Variants in ASPRV1 observed in about 807,000 individuals in gnomAD.
ASPRV1 encodes retroviral-like aspartic protease 1.
ASPRV1 carries 7 observed loss-of-function variants against 11.0 expected under a neutral mutation model. The observed-to-expected ratio is 0.64, with a 90% CI of 0.36 to 1.20. The LOEUF (loss-of-function observed/expected upper bound fraction) is 1.20, where lower values mean the gene tolerates loss of function less well. Among genes scored for constraint, ASPRV1 ranks in the 50% most tolerant of loss-of-function variants. ASPRV1 has a pLI of 0.02. For synonymous variants in ASPRV1, 136 were observed against 138.4 expected (o/e 0.98, Z 0.12); for missense variants, 299 against 320.0 (o/e 0.93, Z 0.50).
At chr2:70,033,755 A>C in the ASPRV1 span, among the ~76,000 whole-genome samples, 1 of 152,200 alleles carries the variant, frequency 6.6e-6, no homozygotes, top group Non-Finnish European at 1.5e-5. Context: ...TTTCTATTAT[A>C]TCTCTCTATA....
the ASPRV1 span, among the ~76,000 whole-genome samples, chr2:70,047,799 T>C: frequency 6.6e-6 from 1 of 152,146 alleles, no homozygotes; most frequent in Non-Finnish European, 1.5e-5. Flanking sequence ...AGAAAGGCTA[T>C]GGCCTGGTGT....
the ASPRV1 span, among the ~76,000 whole-genome samples, chr2:70,032,836 A>G: frequency 1.3e-5 from 2 of 152,162 alleles, no homozygotes; most frequent in East Asian, 3.8e-4. Context: ...TGTGTAACTC[A>G]TAAGGCAGGA....
chr2:70,011,055 G>C, the ASPRV1 span, among the ~76,000 whole-genome samples: 4 of 152,096 alleles, frequency 2.6e-5, no homozygotes, highest in Admixed American at 6.5e-5. Context: ...GGAGCTAAAT[G>C]ATGAGAACTC....
At chr2:69,981,312 A>C in the ASPRV1 span, among the ~76,000 whole-genome samples, 1 of 152,224 alleles carries the variant, frequency 6.6e-6, no homozygotes, top group African/African-American at 2.4e-5. Context: ...GTGGACAGAA[A>C]GTATTACATT....
At chr2:69,951,584 TATAG>T in the ASPRV1 span, among the ~76,000 whole-genome samples, 385 of 150,326 alleles carry the variant, frequency 2.6e-3, 1 homozygote, top group East Asian at 0.013. Context: ...TAAACATATA[TATAG>T]ATAGATAGAT....
At chr2:70,037,039 T>C in the ASPRV1 span, among the ~76,000 whole-genome samples, 2 of 152,134 alleles carry the variant, frequency 1.3e-5, no homozygotes, top group Non-Finnish European at 2.9e-5. Flanking sequence ...GAGTCTCCAC[T>C]CCCACCTATT....
the ASPRV1 span, among the ~76,000 whole-genome samples, chr2:69,969,376 C>T: frequency 1.3e-5 from 2 of 152,194 alleles, no homozygotes; most frequent in East Asian, 3.8e-4. Flanking sequence ...CCCGAGGCTG[C>T]AGTCTGGCCC....
chr2:70,002,988 T>C, the ASPRV1 span: 1 of 152,232 alleles, frequency 6.6e-6, no homozygotes, highest in South Asian at 2.1e-4. Context: ...GGTTTGTTCA[T>C]TCAAATTCAA....
At chr2:69,964,631 A>G (rs573254622), upstream of ASPRV1, 58 of 249,314 alleles carry the variant, frequency 2.3e-4, 1 homozygote, top group South Asian at 2.0e-3. Context: ...ATTGACAAGT[A>G]TAGGTATTGG....
the ASPRV1 span, among the ~76,000 whole-genome samples, chr2:70,075,802 T>A: frequency 6.6e-6 from 1 of 151,404 alleles, no homozygotes; most frequent in South Asian, 2.1e-4. Flanking sequence ...TGAGGTGAGA[T>A]CACGCCATTG....
chr2:70,037,145 T>C, the ASPRV1 span, among the ~76,000 whole-genome samples: 5 of 152,198 alleles, frequency 3.3e-5, no homozygotes, highest in African/African-American at 7.2e-5. Context: ...CAAATTCAAC[T>C]CCAGGAAACA....
At chr2:69,941,404 C>A in the ASPRV1 span, 1 of 152,180 alleles carries the variant, frequency 6.6e-6, no homozygotes, top group East Asian at 1.9e-4. Context: ...ACTGCTGGCT[C>A]CTTTCTGTAG....
At chr2:70,061,863 T>G in the ASPRV1 span, among the ~76,000 whole-genome samples, 1 of 151,546 alleles carries the variant, frequency 6.6e-6, no homozygotes, top group African/African-American at 2.4e-5. Context: ...CTCTGCAGGC[T>G]GAGGCAGGAG....
the ASPRV1 span, among the ~76,000 whole-genome samples, chr2:70,044,288 C>T: frequency 6.6e-6 from 1 of 152,208 alleles, no homozygotes; most frequent in Non-Finnish European, 1.5e-5. Flanking sequence ...GGGCAGGACA[C>T]ATTCTTGGTC....
At chr2:69,980,725 C>G in the ASPRV1 span, among the ~76,000 whole-genome samples, 1 of 152,240 alleles carries the variant, frequency 6.6e-6, no homozygotes, top group African/African-American at 2.4e-5. Context: ...TATGGGAATT[C>G]TCTCTACTAT....
the ASPRV1 span, among the ~76,000 whole-genome samples, chr2:69,978,448 C>T: frequency 6.6e-6 from 1 of 152,160 alleles, no homozygotes; most frequent in East Asian, 1.9e-4. Context: ...ACTTTGGGCC[C>T]CATTTTCCCC....
At chr2:69,979,245 G>A in the ASPRV1 span, among the ~76,000 whole-genome samples, 2 of 152,146 alleles carry the variant, frequency 1.3e-5, no homozygotes, top group South Asian at 4.1e-4. Flanking sequence ...ATGTTGGCCA[G>A]GATGGTCTCA....
Position 69,960,666 on chromosome 2 carries a change from T to G in ASPRV1, c.771A>C (p.Leu257=). ...AAGAAAAGGTGGCTTCTCAGTGGGA[T>G]AGCTCCTGCCGCCCTTCTTCTGAGG... The part of the protein sequence containing the change: ...DPSSEEGRQE[L]SH The change falls in exon 1 of 1, where the codon CTA becomes CTC. Residue 257 remains leucine, a synonymous_variant. Coordinates refer to ENST00000320256, the MANE Select transcript of ASPRV1 (RefSeq NM_152792.4). 1 of 1,611,632 alleles carries G rather than the reference T, an allele frequency of 6.2e-7. No homozygotes were observed.
the ASPRV1 span, among the ~76,000 whole-genome samples, chr2:70,084,357 C>G: frequency 6.6e-6 from 1 of 152,204 alleles, no homozygotes; most frequent in Non-Finnish European, 1.5e-5. Flanking sequence ...ATTCCCTCAT[C>G]TATTCTGTCT....
Sources: allele counts gnomAD v4.1 joint callset (sites outside exome capture counted in the v4.1 genomes callset), GRCh38; gene constraint gnomAD v4.1.1; transcripts MANE v1.5; gene names NCBI Gene and HGNC (gene_info 2026-07-23, HGNC 2026-07-21).